The following KCNJ6 variants were observed in gnomAD, a reference collection of about 807,000 sequenced individuals.
The protein encoded by KCNJ6 is G protein-activated inward rectifier potassium channel 2.
In KCNJ6, 9 loss-of-function variants were observed where a neutral mutation model predicts 34.2. The ratio of observed to expected loss-of-function variants is 0.26; its 90% CI spans 0.16 to 0.46. KCNJ6 has a LOEUF of 0.46. Among genes scored for constraint, KCNJ6 ranks in the 20% least tolerant of loss-of-function variants. KCNJ6 has a pLI of 1.00. For missense variants in KCNJ6, 236 were observed against 531.3 expected, an observed-to-expected ratio of 0.44 and a Z score of 5.46; for synonymous variants, 196 against 207.1, an observed-to-expected ratio of 0.95 and a Z score of 0.46.
chr21:37,883,323 T>C (rs992481975), intron 1 of KCNJ6, among the ~76,000 whole-genome samples: 1 of 152,230 alleles, frequency 6.6e-6, no homozygotes, highest in African/African-American at 2.4e-5. Context: ...CTTTTAAAAA[T>C]GTAAAAGCCA....
chr21:37,779,901 G>T (rs2055161032), intron 2 of KCNJ6, among the ~76,000 whole-genome samples: 2 of 152,262 alleles, frequency 1.3e-5, no homozygotes, highest in African/African-American at 2.4e-5. Flanking sequence ...GTGTAATTTA[G>T]GTGGACAGGA....
chr21:37,768,089 T>C (rs2055100090), intron 2 of KCNJ6, among the ~76,000 whole-genome samples: 2 of 151,958 alleles, frequency 1.3e-5, no homozygotes, highest in South Asian at 4.2e-4. Context: ...ATGGACTTTT[T>C]TTTTTTTTTT....
At chr21:37,757,500 T>G in intron 2 of KCNJ6, among the ~76,000 whole-genome samples, 1 of 151,238 alleles carries the variant, frequency 6.6e-6, no homozygotes. Context: ...CAGCCTGGAG[T>G]GAGCACTCCC....
intron 3 of KCNJ6, among the ~76,000 whole-genome samples, chr21:37,709,509 T>C (rs1490417057): frequency 2.6e-5 from 2 of 75,648 alleles, no homozygotes; most frequent in Non-Finnish European, 5.5e-5. Context: ...AGCAAAACCC[T>C]GTCTCAAAAA....
chr21:37,774,166 C>T (rs1011677088), intron 2 of KCNJ6, among the ~76,000 whole-genome samples: 1 of 152,042 alleles, frequency 6.6e-6, no homozygotes, highest in Non-Finnish European at 1.5e-5. Flanking sequence ...CAGGTTCTGC[C>T]CCTTGCTAAC....
chr21:37,835,828 A>T (rs1273866369), intron 2 of KCNJ6, among the ~76,000 whole-genome samples: 1 of 150,406 alleles, frequency 6.6e-6, no homozygotes, highest in Non-Finnish European at 1.5e-5. Flanking sequence ...CCCTAACCCT[A>T]ACCCTAACCC....
intron 1 of KCNJ6, among the ~76,000 whole-genome samples, chr21:37,882,399 T>A (rs762529972): frequency 1.3e-5 from 2 of 152,196 alleles, no homozygotes; most frequent in African/African-American, 4.8e-5. Flanking sequence ...CAGAGGGCGA[T>A]GAAAACTACA....
At chr21:37,637,313 C>T (rs770669776) in intron 3 of KCNJ6, among the ~76,000 whole-genome samples, 2 of 152,178 alleles carry the variant, frequency 1.3e-5, no homozygotes, top group Non-Finnish European at 2.9e-5. Flanking sequence ...CTTCAATGAA[C>T]AGTTGTGTTT....
At chr21:37,896,193 A>G (rs912984082) in intron 1 of KCNJ6, among the ~76,000 whole-genome samples, 13 of 152,180 alleles carry the variant, frequency 8.5e-5, no homozygotes, top group Non-Finnish European at 1.8e-4. Flanking sequence ...GTAAGAACTC[A>G]CTCACTATGG....
chr21:37,812,808 A>G (rs1422776892), intron 2 of KCNJ6, among the ~76,000 whole-genome samples: 4 of 152,238 alleles, frequency 2.6e-5, no homozygotes, highest in Non-Finnish European at 5.9e-5. Flanking sequence ...AGCTAGTATC[A>G]TACTGAATGA....
chr21:37,795,539 G>C (rs1010428306), intron 2 of KCNJ6, among the ~76,000 whole-genome samples: 1 of 152,132 alleles, frequency 6.6e-6, no homozygotes, highest in Non-Finnish European at 1.5e-5. Flanking sequence ...GAGGTCAGGA[G>C]TTCGAGGCCA....
intron 1 of KCNJ6, among the ~76,000 whole-genome samples, chr21:37,842,788 C>T (rs1160824549): frequency 1.3e-5 from 2 of 152,184 alleles, no homozygotes; most frequent in Middle Eastern, 3.2e-3. Flanking sequence ...CTGACCCCAG[C>T]GGGTTGTGAC....
chr21:37,682,919 G>A (rs2123420036), intron 3 of KCNJ6, among the ~76,000 whole-genome samples: 1 of 152,278 alleles, frequency 6.6e-6, no homozygotes, highest in East Asian at 1.9e-4. Flanking sequence ...GAGTGATGGG[G>A]AAGGAACACA....
intron 2 of KCNJ6, among the ~76,000 whole-genome samples, chr21:37,823,771 T>C (rs987605680): frequency 4.6e-5 from 7 of 152,156 alleles, no homozygotes; most frequent in Non-Finnish European, 8.8e-5. Flanking sequence ...AGTGTAAAAA[T>C]GGACTAATAC....
At chr21:37,667,640 TCCAGGGTAGCAGGC>T (rs970241543) in intron 3 of KCNJ6, among the ~76,000 whole-genome samples, 8 of 79,098 alleles carry the variant, frequency 1.0e-4, no homozygotes, top group African/African-American at 2.7e-4. Context: ...GGGTAGCAGG[TCCAGGGTAGCAGGC>T]GCCGGGTAGC....
chr21:37,782,491 G>T (rs2055174260), intron 2 of KCNJ6, among the ~76,000 whole-genome samples: 1 of 152,146 alleles, frequency 6.6e-6, no homozygotes, highest in Admixed American at 6.5e-5. Flanking sequence ...GGCCACGCTT[G>T]CTGACTGCAA....
At chr21:37,847,143 CATAAAAATATAAT>C (rs1412014158) in intron 1 of KCNJ6, among the ~76,000 whole-genome samples, 4 of 152,102 alleles carry the variant, frequency 2.6e-5, no homozygotes, top group African/African-American at 9.7e-5. Context: ...ATATAAAATA[CATAAAAATATAAT>C]ATGAAAATAT....
At chr21:37,862,769 G>C (rs957178026) in intron 1 of KCNJ6, among the ~76,000 whole-genome samples, 1 of 152,188 alleles carries the variant, frequency 6.6e-6, no homozygotes, top group Non-Finnish European at 1.5e-5. Context: ...TTAGAATTTT[G>C]AGCTGCTAAG....
chr21:37,756,548 G>A (rs569200884), intron 2 of KCNJ6, among the ~76,000 whole-genome samples: 6 of 152,346 alleles, frequency 3.9e-5, no homozygotes, highest in African/African-American at 1.4e-4. Flanking sequence ...TTCCTGCTTT[G>A]CAACTGTGAA....
Sources: allele counts gnomAD v4.1 joint callset (sites outside exome capture counted in the v4.1 genomes callset), GRCh38; gene constraint gnomAD v4.1.1; transcripts MANE v1.5; gene names NCBI Gene and HGNC (gene_info 2026-07-23, HGNC 2026-07-21).